KCND2: variants seen among roughly 807,000 people sequenced by gnomAD.
The protein encoded by KCND2 is potassium voltage-gated channel subfamily D member 2.
A neutral mutation model predicts 54.4 loss-of-function variants in KCND2; 16 were observed. The ratio of observed to expected loss-of-function variants is 0.29; its 90% CI spans 0.20 to 0.45. The LOEUF is 0.45. Among genes scored for constraint, KCND2 ranks in the 20% least tolerant of loss-of-function variants. The pLI is 1.00. For missense variants in KCND2, 486 were observed against 824.2 expected (o/e 0.59, Z 5.02); for synonymous variants, 317 against 310.7 (o/e 1.02, Z -0.21).
chr7:120,730,230 T>TGC (rs1792787944), intron 1 of KCND2, among the ~76,000 whole-genome samples: 2 of 152,154 alleles, frequency 1.3e-5, no homozygotes, highest in Non-Finnish European at 2.9e-5. Flanking sequence ...CGTGTGTGTG[T>TGC]GTGCGCGCGT....
chr7:120,463,684 G>T (rs552823559), intron 1 of KCND2, among the ~76,000 whole-genome samples: 3 of 152,188 alleles, frequency 2.0e-5, no homozygotes, highest in Admixed American at 6.5e-5. Context: ...AGCAAAGGAG[G>T]CATCTTTGAT....
At chr7:120,731,103 C>T (rs558854707) in intron 1 of KCND2, among the ~76,000 whole-genome samples, 70 of 152,238 alleles carry the variant, frequency 4.6e-4, no homozygotes, top group Non-Finnish European at 8.8e-4. Flanking sequence ...CAGGAGTGCA[C>T]TCTAGACAAA....
At chr7:120,682,590 G>A (rs749801276) in intron 1 of KCND2, among the ~76,000 whole-genome samples, 1 of 152,068 alleles carries the variant, frequency 6.6e-6, no homozygotes, top group African/African-American at 2.4e-5. Flanking sequence ...GCCATTTAAT[G>A]ATTATTGAAA....
chr7:120,446,563 CAT>C (rs915605643), intron 1 of KCND2, among the ~76,000 whole-genome samples: 10 of 87,248 alleles, frequency 1.1e-4, no homozygotes, highest in African/African-American at 2.9e-4. Flanking sequence ...CACACACACA[CAT>C]ACACATACAC....
intron 1 of KCND2, among the ~76,000 whole-genome samples, chr7:120,683,730 G>C (rs1771630703): frequency 6.6e-6 from 1 of 151,726 alleles, no homozygotes; most frequent in South Asian, 2.1e-4. Context: ...ACAAAAGTAA[G>C]TTATAATCCA....
intron 1 of KCND2, among the ~76,000 whole-genome samples, chr7:120,355,254 A>G (rs1584744292): frequency 6.6e-6 from 1 of 152,232 alleles, no homozygotes; most frequent in South Asian, 2.1e-4. Context: ...AGAGTATTCA[A>G]TAATTAAATG....
chr7:120,475,147 A>G (rs1385641003), intron 1 of KCND2, among the ~76,000 whole-genome samples: 2 of 152,242 alleles, frequency 1.3e-5, no homozygotes, highest in African/African-American at 4.8e-5. Context: ...TGTGTTCACA[A>G]AGGCAAAGGA....
chr7:120,575,317 C>T (rs972897293), intron 1 of KCND2, among the ~76,000 whole-genome samples: 19 of 152,130 alleles, frequency 1.2e-4, no homozygotes, highest in African/African-American at 4.3e-4. Context: ...GGTGTAAGTC[C>T]TAGAGCCCAA....
chr7:120,565,829 G>A (rs1367885436), intron 1 of KCND2, among the ~76,000 whole-genome samples: 1 of 152,180 alleles, frequency 6.6e-6, no homozygotes, highest in Non-Finnish European at 1.5e-5. Flanking sequence ...ATACAAGTAT[G>A]AATCATTGAC....
intron 1 of KCND2, among the ~76,000 whole-genome samples, chr7:120,330,373 A>T (rs933117926): frequency 4.6e-5 from 7 of 152,120 alleles, no homozygotes; most frequent in Non-Finnish European, 1.0e-4. Context: ...TGAGGTCAGG[A>T]GTTTAAGACC....
At chr7:120,333,515 C>A (rs1443117097) in intron 1 of KCND2, among the ~76,000 whole-genome samples, 1 of 152,048 alleles carries the variant, frequency 6.6e-6, no homozygotes, top group Non-Finnish European at 1.5e-5. Flanking sequence ...TTACTCAAAC[C>A]AGCAAACCCT....
At chr7:120,607,891 A>G (rs1792902074) in intron 1 of KCND2, among the ~76,000 whole-genome samples, 1 of 152,084 alleles carries the variant, frequency 6.6e-6, no homozygotes. Context: ...ACTAGTCCTA[A>G]CCAGGAAAAG....
At chr7:120,741,055 A>G (rs1792934791) in intron 2 of KCND2, among the ~76,000 whole-genome samples, 1 of 151,838 alleles carries the variant, frequency 6.6e-6, no homozygotes, top group Non-Finnish European at 1.5e-5. Flanking sequence ...CTTAAAAAAA[A>G]AAAAAAAGAA....
At chr7:120,339,503 C>CTGTGTG (rs10525061) in intron 1 of KCND2, among the ~76,000 whole-genome samples, 10 of 149,812 alleles carry the variant, frequency 6.7e-5, no homozygotes, top group African/African-American at 2.5e-4. Context: ...CTTTAGAAGG[C>CTGTGTG]TGTGTGTGTG....
intron 1 of KCND2, among the ~76,000 whole-genome samples, chr7:120,337,129 T>C (rs1800162943): frequency 6.6e-6 from 1 of 152,162 alleles, no homozygotes; most frequent in African/African-American, 2.4e-5. Flanking sequence ...TGCTACAAGG[T>C]GAAAGTCATT....
chr7:120,683,931 G>T, intron 1 of KCND2, among the ~76,000 whole-genome samples: 1 of 152,018 alleles, frequency 6.6e-6, no homozygotes, highest in East Asian at 1.9e-4. Context: ...AAACAGAGAT[G>T]GTTCCATTGC....
chr7:120,353,131 TA>T (rs137981278), intron 1 of KCND2, among the ~76,000 whole-genome samples: 3 of 131,772 alleles, frequency 2.3e-5, no homozygotes, highest in Admixed American at 8.7e-5. Context: ...TAAATACTTT[TA>T]CTTTTTTTTT....
At chr7:120,494,450 G>A (rs1469717940) in intron 1 of KCND2, among the ~76,000 whole-genome samples, 1 of 152,106 alleles carries the variant, frequency 6.6e-6, no homozygotes, top group African/African-American at 2.4e-5. Flanking sequence ...ACTGAAGAGA[G>A]AAATCACCTG....
chr7:120,424,737 T>C (rs1182452946), intron 1 of KCND2, among the ~76,000 whole-genome samples: 1 of 152,160 alleles, frequency 6.6e-6, no homozygotes, highest in Non-Finnish European at 1.5e-5. Context: ...ACCTAGCTAC[T>C]AGAAAAAATA....
Sources: gnomAD v4.1 joint callset for allele counts (sites outside exome capture counted in the v4.1 genomes callset) on GRCh38, gnomAD v4.1.1 for gene constraint, MANE v1.5 for transcripts, NCBI Gene and HGNC (gene_info 2026-07-23, HGNC 2026-07-21) for gene names.